Variants in MAGI2 observed in about 807,000 individuals in gnomAD.
The protein encoded by MAGI2 is membrane associated guanylate kinase, WW and PDZ domain containing 2, also known as membrane-associated guanylate kinase, WW and PDZ domain-containing protein 2.
MAGI2 carries 35 observed loss-of-function variants against 133.3 expected under a neutral mutation model. That is an observed-to-expected ratio of 0.26 (90% CI 0.20 to 0.35). The LOEUF is 0.35. Among genes scored for constraint, MAGI2 ranks in the 10% least tolerant of loss-of-function variants. The pLI is 1.00. For synonymous variants in MAGI2, 729 were observed against 710.6 expected, an observed-to-expected ratio of 1.03 and a Z score of -0.41; for missense variants, 1,636 against 1,863.4, an observed-to-expected ratio of 0.88 and a Z score of 2.25.
At chr7:79,148,273 G>T (rs186806103) in intron 1 of MAGI2, among the ~76,000 whole-genome samples, 1 of 152,244 alleles carries the variant, frequency 6.6e-6, no homozygotes, top group Admixed American at 6.5e-5. Flanking sequence ...AGGATGCTTT[G>T]CTTCTCACTG....
chr7:78,894,211 C>T lies in MAGI2; in HGVS notation c.418+112879G>A, dbSNP rs528432696. ...GGTCAGGAGATCGAGATGATCCTGG[C>T]TAACATAGTGAAACCCTGTCTCCAC... On this transcript the variant is annotated intron_variant, in intron 2 of 21. Transcript: ENST00000354212. Among the ~76,000 whole-genome samples, 8 of 152,250 alleles carry T rather than the reference C, an allele frequency of 5.3e-5. No individual in the cohort carries two copies. The South Asian group carries it at 1.4e-3, about 28-fold the overall frequency.
At chr7:78,555,553 C>T (rs1799751368) in intron 3 of MAGI2, among the ~76,000 whole-genome samples, 1 of 151,996 alleles carries the variant, frequency 6.6e-6, no homozygotes, top group Non-Finnish European at 1.5e-5. Context: ...TAAACTAGCC[C>T]CAATTAAGCA....
chr7:78,103,693 T>G (rs1818402783), intron 20 of MAGI2, among the ~76,000 whole-genome samples: 1 of 152,250 alleles, frequency 6.6e-6, no homozygotes. Context: ...TGTCTGCATA[T>G]TCTAGAAATG....
At position 79,286,472 on chromosome 7, in the gene MAGI2, T is replaced by C. The variant is rs542678183; in HGVS notation, c.301+166548A>G. Among the ~76,000 whole-genome samples, 8 of 152,108 alleles carry C rather than the reference T, an allele frequency of 5.3e-5. No individual in the cohort carries two copies. In the South Asian group the frequency reaches 1.7e-3, roughly 32 times the overall value. On this transcript the variant is annotated intron_variant, in intron 1 of 21. Transcript: ENST00000354212. ...GGCACTTGCTCTCTCCACCAAACAA[T>C]TCTTGCTATTCCAAGAAAGAAAGGG...
chr7:78,300,585 C>T (rs113007171), intron 9 of MAGI2, among the ~76,000 whole-genome samples: 126 of 152,140 alleles, frequency 8.3e-4, no homozygotes, highest in African/African-American at 2.9e-3. Context: ...AAATCAATAC[C>T]GATTAAAGGC....
At chr7:78,718,836 G>T (rs559996566) in intron 2 of MAGI2, among the ~76,000 whole-genome samples, 2 of 152,118 alleles carry the variant, frequency 1.3e-5, no homozygotes, top group Non-Finnish European at 2.9e-5. Flanking sequence ...GTGCCCAAAA[G>T]GTTAGGGACC....
At chr7:79,142,183 A>T (rs539965335) in intron 1 of MAGI2, among the ~76,000 whole-genome samples, 5 of 152,328 alleles carry the variant, frequency 3.3e-5, no homozygotes, top group African/African-American at 1.2e-4. Context: ...ATGAAATTTC[A>T]TGTGGTAAAT....
intron 6 of MAGI2, among the ~76,000 whole-genome samples, chr7:78,444,026 T>C (rs1787883610): frequency 6.6e-6 from 1 of 150,576 alleles, no homozygotes; most frequent in African/African-American, 2.4e-5. Context: ...CATGTTTTTC[T>C]TAAGGCCATT....
chr7:79,215,320 C>T (rs182774278), intron 1 of MAGI2, among the ~76,000 whole-genome samples: 95 of 152,152 alleles, frequency 6.2e-4, no homozygotes, highest in Admixed American at 3.7e-3. Context: ...AAAATGGCCC[C>T]GCAAAACTGT....
At chr7:78,844,043 C>A (rs1792376030) in intron 2 of MAGI2, among the ~76,000 whole-genome samples, 1 of 149,142 alleles carries the variant, frequency 6.7e-6, no homozygotes, top group African/African-American at 2.4e-5. Flanking sequence ...GAAAGGAAAT[C>A]TACACACAGA....
intron 17 of MAGI2, among the ~76,000 whole-genome samples, chr7:78,133,587 A>G (rs913249577): frequency 6.6e-6 from 1 of 152,232 alleles, no homozygotes; most frequent in African/African-American, 2.4e-5. Flanking sequence ...AGAACCCTGG[A>G]CACAGGAAGA....
At chr7:78,402,829 T>C (rs1331272881) in intron 6 of MAGI2, among the ~76,000 whole-genome samples, 1 of 152,166 alleles carries the variant, frequency 6.6e-6, no homozygotes, top group African/African-American at 2.4e-5. Flanking sequence ...GATAAGTATA[T>C]TGGTATACAC....
At chr7:78,982,346 T>C (rs1379625964) in intron 2 of MAGI2, among the ~76,000 whole-genome samples, 2 of 151,964 alleles carry the variant, frequency 1.3e-5, no homozygotes, top group South Asian at 2.1e-4. Flanking sequence ...TTATTCATGA[T>C]AAAGTTTGGA....
Position 78,924,975 on chromosome 7 carries a change from G to T in MAGI2, c.418+82115C>A, listed in dbSNP as rs945061623. Reference sequence around the variant, plus strand: ...TCCAGGTTGGAGGAATCCTTCAAAAGTTAGATAGGGAAAGGTGCTTTATTT... The same window carrying T: ...TCCAGGTTGGAGGAATCCTTCAAAATTTAGATAGGGAAAGGTGCTTTATTT... On this transcript the variant is annotated intron_variant, in intron 2 of 21. Transcript: ENST00000354212. Among the ~76,000 whole-genome samples the T allele has an allele frequency of 3.9e-5, 6 of 151,954 alleles. 1 individual carries two copies. Among genetic ancestry groups the T allele is most frequent in the Admixed American group, 3.9e-4 (6 of 15,210 alleles).
intron 1 of MAGI2, among the ~76,000 whole-genome samples, chr7:79,033,098 T>C (rs1810764016): frequency 6.6e-6 from 1 of 152,172 alleles, no homozygotes; most frequent in Non-Finnish European, 1.5e-5. Context: ...CTCTTGGATC[T>C]GTTCTATCTA....
At chr7:79,060,445 A>T (rs1813622897) in intron 1 of MAGI2, among the ~76,000 whole-genome samples, 1 of 152,030 alleles carries the variant, frequency 6.6e-6, no homozygotes, top group African/African-American at 2.4e-5. Flanking sequence ...TTAGTATTTG[A>T]CTAGTTAGGT....
At chr7:78,793,639 A>T (rs1311808677) in intron 2 of MAGI2, among the ~76,000 whole-genome samples, 1 of 152,236 alleles carries the variant, frequency 6.6e-6, no homozygotes, top group Admixed American at 6.5e-5. Context: ...CAATAGATTT[A>T]GAAAACTCAT....
At chr7:78,523,429 A>G (rs1450432862) in intron 3 of MAGI2, among the ~76,000 whole-genome samples, 2 of 152,122 alleles carry the variant, frequency 1.3e-5, no homozygotes, top group Non-Finnish European at 2.9e-5. Context: ...CAGTGAGCTG[A>G]GATCGCGCCA....
intron 2 of MAGI2, among the ~76,000 whole-genome samples, chr7:78,649,388 A>T (rs1811302429): frequency 6.6e-6 from 1 of 151,904 alleles, no homozygotes; most frequent in African/African-American, 2.4e-5. Context: ...ATTTTAAAGA[A>T]TTGCTTTTGG....
Sources: allele counts gnomAD v4.1 joint callset (sites outside exome capture counted in the v4.1 genomes callset), GRCh38; gene constraint gnomAD v4.1.1; transcripts MANE v1.5; gene names NCBI Gene and HGNC (gene_info 2026-07-23, HGNC 2026-07-21).